The following CALN1 variants were observed in gnomAD, a reference collection of about 807,000 sequenced individuals.
The protein encoded by CALN1 is calneuron 1.
Under a neutral mutation model 30.6 loss-of-function variants are expected in CALN1, and 17 were observed. The ratio of observed to expected loss-of-function variants is 0.56; its 90% confidence interval spans 0.38 to 0.83. The LOEUF is 0.83. Ranked by LOEUF, CALN1 falls within the 40% of genes least tolerant of loss-of-function variation. The pLI, the probability that CALN1 is intolerant of heterozygous loss-of-function variation, is 0.00. For missense variants in CALN1, 291 were observed against 354.9 expected, an observed-to-expected ratio of 0.82 and a Z score of 1.45; for synonymous variants, 156 against 131.4, an observed-to-expected ratio of 1.19 and a Z score of -1.28.
At chr7:71,937,872 G>C (rs1323792729) in intron 5 of CALN1, among the ~76,000 whole-genome samples, 1 of 152,220 alleles carries the variant, frequency 6.6e-6, no homozygotes, top group African/African-American at 2.4e-5. Flanking sequence ...CCATCACGCA[G>C]CACCCAAGTG....
intron 3 of CALN1, among the ~76,000 whole-genome samples, chr7:72,154,222 T>C (rs1787485232): frequency 7.3e-6 from 1 of 136,352 alleles, no homozygotes; most frequent in Non-Finnish European, 1.7e-5. Flanking sequence ...AGGAGGGAAG[T>C]AAAATTAAAA....
intron 1 of CALN1, among the ~76,000 whole-genome samples, chr7:72,407,374 T>C (rs567594685): frequency 6.6e-6 from 1 of 152,378 alleles, no homozygotes; most frequent in South Asian, 2.1e-4. Context: ...CCAAATCTCA[T>C]GTCAAACTGT....
At chr7:72,281,037 G>A (rs1037115478) in intron 2 of CALN1, among the ~76,000 whole-genome samples, 8 of 151,982 alleles carry the variant, frequency 5.3e-5, no homozygotes, top group South Asian at 2.1e-4. Flanking sequence ...TCAGCTACTC[G>A]GGATACTGAG....
chr7:72,270,876 G>A (rs762060040), intron 3 of CALN1, among the ~76,000 whole-genome samples: 2 of 152,216 alleles, frequency 1.3e-5, no homozygotes, highest in Non-Finnish European at 2.9e-5. Flanking sequence ...TGACATGTGG[G>A]TGGATCATAG....
chr7:72,096,042 AAGAT>A (rs10664390), intron 4 of CALN1, among the ~76,000 whole-genome samples: 15,041 of 143,108 alleles, frequency 0.11, 829 homozygotes, highest in Non-Finnish European at 0.14. Context: ...TTGTCTCTAA[AAGAT>A]AGATAGATAG....
intron 5 of CALN1, among the ~76,000 whole-genome samples, chr7:71,971,143 A>G (rs1797773783): frequency 6.6e-6 from 1 of 152,180 alleles, no homozygotes; most frequent in African/African-American, 2.4e-5. Context: ...CACGCTATAA[A>G]AAGAGGCCAA....
intron 5 of CALN1, among the ~76,000 whole-genome samples, chr7:71,954,658 T>G (rs1796867023): frequency 6.6e-6 from 1 of 151,936 alleles, no homozygotes; most frequent in African/African-American, 2.4e-5. Flanking sequence ...TCTCAAACAT[T>G]AAAAAGAAGA....
intron 6 of CALN1, among the ~76,000 whole-genome samples, chr7:71,805,259 T>C (rs193069938): frequency 6.6e-6 from 1 of 152,282 alleles, no homozygotes; most frequent in Non-Finnish European, 1.5e-5. Context: ...TTGGTGTGAT[T>C]ACCTGTTTGC....
chr7:72,057,054 C>A (rs1803301238), intron 4 of CALN1, among the ~76,000 whole-genome samples: 1 of 152,060 alleles, frequency 6.6e-6, no homozygotes. Context: ...GCCCCTCCTG[C>A]CTCAGCCTCC....
At chr7:72,286,528 AT>A (rs1798090813) in intron 2 of CALN1, among the ~76,000 whole-genome samples, 1 of 152,144 alleles carries the variant, frequency 6.6e-6, no homozygotes, top group African/African-American at 2.4e-5. Flanking sequence ...ACCCAGAAAT[AT>A]ATATGTCTTC....
intron 3 of CALN1, among the ~76,000 whole-genome samples, chr7:72,198,391 T>C (rs374477876): frequency 1.9e-4 from 29 of 152,342 alleles, no homozygotes; most frequent in African/African-American, 7.0e-4. Context: ...TTGCTTTATT[T>C]ATTACCTGAG....
At chr7:72,187,463 T>C (rs1468969696) in intron 3 of CALN1, among the ~76,000 whole-genome samples, 1 of 152,158 alleles carries the variant, frequency 6.6e-6, no homozygotes, top group Admixed American at 6.5e-5. Flanking sequence ...CTCTGCCTCC[T>C]GTAAGATCAG....
At chr7:72,303,269 T>C (rs1799421527) in intron 2 of CALN1, among the ~76,000 whole-genome samples, 1 of 152,074 alleles carries the variant, frequency 6.6e-6, no homozygotes, top group Non-Finnish European at 1.5e-5. Flanking sequence ...TGTAAATCAG[T>C]GCCAAGGAGG....
intron 5 of CALN1, among the ~76,000 whole-genome samples, chr7:71,865,014 AAAAG>A (rs561320178): frequency 1.6e-4 from 24 of 152,220 alleles, no homozygotes; most frequent in African/African-American, 1.7e-4. Context: ...AAAAAAGGAA[AAAAG>A]AAAGAAAGAA....
chr7:72,242,404 T>G (rs1794900897), intron 3 of CALN1, among the ~76,000 whole-genome samples: 2 of 152,230 alleles, frequency 1.3e-5, no homozygotes, highest in Admixed American at 1.3e-4. Flanking sequence ...TTAAAAATCT[T>G]AAATTATTTT....
intron 3 of CALN1, among the ~76,000 whole-genome samples, chr7:72,150,275 A>C (rs369597062): frequency 4.6e-5 from 7 of 152,330 alleles, no homozygotes; most frequent in African/African-American, 1.7e-4. Context: ...TTGAATCAAT[A>C]AATAAAAAGG....
chr7:71,892,127 A>G (rs1004653443), intron 5 of CALN1, among the ~76,000 whole-genome samples: 2 of 152,186 alleles, frequency 1.3e-5, no homozygotes, highest in African/African-American at 4.8e-5. Context: ...AAGTGCACAG[A>G]ACCTTGGCCA....
intron 5 of CALN1, among the ~76,000 whole-genome samples, chr7:71,907,268 A>ACACACACACACACACACACACAC (rs1562889797): frequency 6.6e-6 from 1 of 151,736 alleles, no homozygotes; most frequent in African/African-American, 2.4e-5. Context: ...ACACACACAC[A>ACACACACACACACACACACACAC]ACTTAAGGAA....
rs561657017 is a variant in CALN1, at chr7:71,805,376, G to A, written c.658+4960C>T. ...GGGGCTGAGGGAAGAGGCCCAGCCC[G>A]TTCCTTTCCCTCTCATTGGTCATGT... On this transcript the variant is annotated intron_variant, in intron 6 of 6. Coordinates refer to ENST00000395275, the MANE Select transcript of CALN1 (RefSeq NM_031468.4). Among the ~76,000 whole-genome samples the A allele has an allele frequency of 2.4e-3, 361 of 152,270 alleles. 3 individuals are homozygous for A. The highest frequency in any genetic ancestry group is 6.8e-3 in the Middle Eastern group (2 of 294).
Sources: gnomAD v4.1 joint callset for allele counts (sites outside exome capture counted in the v4.1 genomes callset) on GRCh38, gnomAD v4.1.1 for gene constraint, MANE v1.5 for transcripts, NCBI Gene and HGNC (gene_info 2026-07-23, HGNC 2026-07-21) for gene names.